Variants in FAM184A observed in about 807,000 individuals in gnomAD.
The protein encoded by FAM184A is protein FAM184A.
FAM184A carries 99 observed loss-of-function variants against 143.8 expected under a neutral mutation model. That is an observed-to-expected ratio of 0.69 (90% CI 0.58 to 0.81). The LOEUF (loss-of-function observed/expected upper bound fraction) is 0.81, where lower values mean the gene tolerates loss of function less well. FAM184A is among the 40% of genes least tolerant of loss of function. The pLI is 0.00. For synonymous variants in FAM184A, 427 were observed against 446.4 expected (o/e 0.96, Z 0.55); for missense variants, 1,217 against 1,310.5 (o/e 0.93, Z 1.10).
At chr6:119,077,143 C>G (rs1787902219) in intron 1 of FAM184A, among the ~76,000 whole-genome samples, 1 of 152,080 alleles carries the variant, frequency 6.6e-6, no homozygotes, top group African/African-American at 2.4e-5. Flanking sequence ...AATCTCATGT[C>G]TTACTTCACT....
Position 118,964,647 on chromosome 6 carries a change from A to G in FAM184A, c.3138+20T>C. On this transcript the variant is annotated intron_variant, in intron 16 of 17. Transcript: ENST00000338891. Reference sequence around the variant, plus strand: ...AACTTTTAAACCACATTCCTATTCTACAGTGTTTACGGCACATACCTTAGC... The same window carrying G: ...AACTTTTAAACCACATTCCTATTCTGCAGTGTTTACGGCACATACCTTAGC... 1 of 1,351,538 alleles carries G rather than the reference A, an allele frequency of 7.4e-7. No individual in the cohort carries two copies. The highest frequency in any genetic ancestry group is 1.0e-6 in the Non-Finnish European group (1 of 955,778). 83.7% of individuals were successfully genotyped at this position (1,351,538 alleles called of 1,614,324 possible).
In FAM184A at chr6:119,013,704, G is replaced by T. The variant is rs374430607; in HGVS notation, c.1531-2273C>A. ...AAACATATAGTAGTAAGTTTAGTAA[G>T]AAATAACATTCTAATGGGAAGTTTT... On this transcript the variant is annotated intron_variant, in intron 5 of 17. Transcript: ENST00000338891. 4.7e-3 allele frequency among the ~76,000 whole-genome samples: 710 copies of T among 152,272 alleles called. 8 individuals are homozygous for T. The highest frequency in any genetic ancestry group is 0.017 in the African/African-American group (686 of 41,556).
chr6:118,991,954 C>T (rs530564851), intron 9 of FAM184A, among the ~76,000 whole-genome samples: 5 of 151,250 alleles, frequency 3.3e-5, no homozygotes, highest in East Asian at 3.9e-4. Context: ...TTAGTAGAGA[C>T]GGGGTTTCAC....
At chr6:119,034,037 TATATAGAGAGAGAGAG>T (rs1384210061) in intron 1 of FAM184A, among the ~76,000 whole-genome samples, 6,854 of 41,888 alleles carry the variant, frequency 0.16, 417 homozygotes, top group Non-Finnish European at 0.21. Context: ...TATATATATA[TATATAGAGAGAGAGAG>T]AGAGAGAGAG....
At position 119,078,067 on chromosome 6, in the gene FAM184A, G is replaced by A. The variant is rs1787936410; in HGVS notation, c.159+74C>T. 2.0e-6 allele frequency: 3 copies of A among 1,498,342 alleles called. No individual in the cohort carries two copies. The allele number at this position is 1,498,342 out of a possible 1,614,324, so 92.8% of individuals were successfully genotyped here. A position where few individuals can be genotyped will look rare whatever the true frequency, so the allele number is the denominator to read the frequency against. On this transcript the variant is annotated intron_variant, in intron 1 of 17. Transcript: ENST00000338891. This position sits in a 1 kb window ranked among gnomAD's most constrained non-coding sequence, Gnocchi z 5.5. ...CCTCGCTGCGGGCGCAGGGCGCACTGCCTCCCGGGGAGACAGGTGAGTCCG... is the reference window on the plus strand; with the variant it reads ...CCTCGCTGCGGGCGCAGGGCGCACTACCTCCCGGGGAGACAGGTGAGTCCG...
At chr6:119,061,531 CTTTTTTTTTTTTTTTTTT>C (rs977029986) in intron 1 of FAM184A, among the ~76,000 whole-genome samples, 2 of 58,530 alleles carry the variant, frequency 3.4e-5, no homozygotes. Context: ...AATTATTTTT[CTTTTTTTTTTTTTTTTTT>C]TTTTTTTTTG....
At chr6:119,089,425 CA>C (rs1343038364) in intron 1 of FAM184A, among the ~76,000 whole-genome samples, 2 of 151,918 alleles carry the variant, frequency 1.3e-5, no homozygotes, top group Non-Finnish European at 2.9e-5. Context: ...CTCCTGACGT[CA>C]AATGATCTGC....
Position 119,016,219 on chromosome 6 carries a change from C to T in FAM184A, c.1530+528G>A, listed in dbSNP as rs375868204. Reference sequence around the variant, plus strand: ...CAGGCCACTCAGCTCTACCAATCAGCAGGATGTGGGTGGGGCCAGATAAGA... The same window carrying T: ...CAGGCCACTCAGCTCTACCAATCAGTAGGATGTGGGTGGGGCCAGATAAGA... On this transcript the variant is annotated intron_variant, in intron 5 of 17. Transcript: ENST00000338891. Among the ~76,000 whole-genome samples the T allele has an allele frequency of 2.8e-3, 434 of 152,282 alleles. 7 individuals are homozygous for T. The highest frequency in any genetic ancestry group is 0.015 in the Admixed American group (225 of 15,306).
chr6:119,114,314 A>T (rs1270638968), intron 1 of FAM184A, among the ~76,000 whole-genome samples: 1 of 152,158 alleles, frequency 6.6e-6, no homozygotes, highest in African/African-American at 2.4e-5. Flanking sequence ...ATAGTGTTTT[A>T]TTTGGCAACC....
At chr6:119,138,870 G>T (rs1772111749) in intron 1 of FAM184A, among the ~76,000 whole-genome samples, 3 of 152,056 alleles carry the variant, frequency 2.0e-5, no homozygotes, top group African/African-American at 7.2e-5. Context: ...CAGGTGATCT[G>T]CCCTCTTCGG....
chr6:119,029,195 CA>C (rs1488259521), intron 1 of FAM184A, among the ~76,000 whole-genome samples: 4 of 152,050 alleles, frequency 2.6e-5, no homozygotes, highest in Admixed American at 2.6e-4. Flanking sequence ...AGGTAAAATC[CA>C]AAGAGAGAAC....
Position 119,078,106 on chromosome 6 carries a change from G to T in FAM184A, c.159+35C>A. The T allele has an allele frequency of 1.3e-6, 2 of 1,554,164 alleles. No individual in the cohort carries two copies. The highest frequency in any genetic ancestry group is 1.7e-6 in the Non-Finnish European group (2 of 1,154,398). The stretch of plus-strand genomic sequence containing the variant: ...CAGGTGAGTCCGGCGCGGCCCGCAC[G>T]GGGTCGCCACCTGCCCCGTCGCTGC... On this transcript the variant is annotated intron_variant, in intron 1 of 17. Coordinates refer to ENST00000338891, the MANE Select transcript of FAM184A (RefSeq NM_024581.6). The surrounding 1 kb of genome is among the most constrained non-coding windows in gnomAD (Gnocchi z 5.5).
upstream of FAM184A, among the ~76,000 whole-genome samples, chr6:119,081,070 A>G (rs1280154872): frequency 1.3e-5 from 2 of 152,192 alleles, no homozygotes; most frequent in African/African-American, 4.8e-5. Context: ...ACTCACTGTC[A>G]TGAGAACACC....
At chr6:119,088,652 T>A (rs1172761733) in intron 1 of FAM184A, among the ~76,000 whole-genome samples, 1 of 152,128 alleles carries the variant, frequency 6.6e-6, no homozygotes, top group East Asian at 1.9e-4. Flanking sequence ...ACTTTTCAGG[T>A]CTTTTATTTG....
intron 14 of FAM184A, among the ~76,000 whole-genome samples, chr6:118,969,469 C>T (rs1287780962): frequency 6.6e-6 from 1 of 152,120 alleles, no homozygotes; most frequent in Non-Finnish European, 1.5e-5. Context: ...ATTTAACTTG[C>T]AAATATATTT....
intron 1 of FAM184A, among the ~76,000 whole-genome samples, chr6:119,076,742 A>C (rs1000008554): frequency 2.0e-5 from 3 of 152,212 alleles, no homozygotes; most frequent in Admixed American, 2.0e-4. Context: ...CAGGACATCA[A>C]TATTCGGAAG....
At chr6:119,062,928 C>A (rs1048792671) in intron 1 of FAM184A, among the ~76,000 whole-genome samples, 23 of 152,146 alleles carry the variant, frequency 1.5e-4, no homozygotes, top group African/African-American at 5.6e-4. Context: ...ACATTCTATA[C>A]CTCAGGGATG....
At chr6:119,136,591 T>C (rs1449947928) in intron 1 of FAM184A, among the ~76,000 whole-genome samples, 2 of 152,184 alleles carry the variant, frequency 1.3e-5, no homozygotes, top group Admixed American at 6.5e-5. Context: ...TTTCATTAAA[T>C]TGAAGAAGCA....
chr6:119,020,367 C>T (rs1157945458), intron 3 of FAM184A, among the ~76,000 whole-genome samples: 2 of 152,138 alleles, frequency 1.3e-5, no homozygotes, highest in South Asian at 2.1e-4. Flanking sequence ...TAAATTAAAA[C>T]GTCATTTTCA....
Sources: gnomAD v4.1 joint callset for allele counts (sites outside exome capture counted in the v4.1 genomes callset) on GRCh38, gnomAD v4.1.1 for gene constraint, Gnocchi (gnomAD v3.1) non-coding constraint, MANE v1.5 for transcripts, NCBI Gene and HGNC (gene_info 2026-07-23, HGNC 2026-07-21) for gene names.